ATR: variants seen among roughly 807,000 people sequenced by gnomAD.
ATR encodes ATR checkpoint kinase.
In ATR, 142 loss-of-function variants were observed where a neutral mutation model predicts 305.3. The observed-to-expected ratio is 0.47, with a 90% CI of 0.41 to 0.53. ATR has a LOEUF of 0.53. Among genes scored for constraint, ATR ranks in the 20% least tolerant of loss-of-function variants. ATR has a pLI of 0.00. For synonymous variants in ATR, 1,050 were observed against 1,068.1 expected (o/e 0.98, Z 0.33); for missense variants, 2,135 against 3,133.1 (o/e 0.68, Z 7.60).
At chr3:142,509,388 T>G (rs895327564) in intron 27 of ATR, among the ~76,000 whole-genome samples, 15 of 152,072 alleles carry the variant, frequency 9.9e-5, no homozygotes, top group African/African-American at 3.6e-4. Flanking sequence ...GATCTTGAAC[T>G]CCTGAGCTCA....
chr3:142,470,954 C>G (rs1160104004), intron 36 of ATR, among the ~76,000 whole-genome samples: 2 of 152,074 alleles, frequency 1.3e-5, no homozygotes, highest in South Asian at 2.1e-4. Flanking sequence ...TAAAATTTGC[C>G]ATCACAACCA....
chr3:142,496,605 C>G (rs2108334304), intron 33 of ATR, 85 bp from the exon 34 acceptor site: 2 of 1,455,362 alleles, frequency 1.4e-6, no homozygotes, highest in East Asian at 2.3e-5. Flanking sequence ...AAATCTAGGT[C>G]ATAAACTTTG....
intron 16 of ATR, among the ~76,000 whole-genome samples, chr3:142,543,077 A>G (rs1351453474): frequency 6.6e-6 from 1 of 152,088 alleles, no homozygotes; most frequent in African/African-American, 2.4e-5. Context: ...TCATGTCGGG[A>G]TGTGGGGTGG....
At chr3:142,493,337 C>T (rs2108326316) in intron 34 of ATR, 26 bp from the exon 35 acceptor site, 1 of 1,584,424 alleles carries the variant, frequency 6.3e-7, no homozygotes, top group Non-Finnish European at 8.6e-7. Flanking sequence ...CAACAATAAG[C>T]CTTTTAATTT....
chr3:142,449,659 T>A, intron 46 of ATR, 57 bp from the exon 47 acceptor site: 12 of 1,528,824 alleles, frequency 7.8e-6, no homozygotes, highest in Non-Finnish European at 1.1e-5. Flanking sequence ...AATTACTACC[T>A]TTCTTTATAT....
rs1577675053 is a variant in ATR at position 142,547,889 on chromosome 3, C to T, written c.3193G>A (p.Gly1065Arg). Residue 1065 changes from glycine to arginine, a missense_variant, in exon 16 of 47, where the codon GGG becomes AGG. Transcript: ENST00000350721. Reference sequence around the variant, plus strand: ...TGGAAATCTTGTCTCAACAGGCTCCCCAGTTCAATTTCTGTTTCATTCTAA... The same window carrying T: ...TGGAAATCTTGTCTCAACAGGCTCCTCAGTTCAATTTCTGTTTCATTCTAA... ...YLKNETEIEL[G>R]SLLRQDFQGL... is the part of the protein sequence containing the mutation. 1 of 1,613,820 alleles carries T rather than the reference C, an allele frequency of 6.2e-7. No individual in the cohort carries two copies. The highest frequency in any genetic ancestry group is 1.7e-5 in the Admixed American group (1 of 59,984).
At chr3:142,512,521 C>G (rs2108373033) in intron 26 of ATR, 51 bp from the exon 27 acceptor site, 1 of 1,386,814 alleles carries the variant, frequency 7.2e-7, no homozygotes, top group South Asian at 1.4e-5. Context: ...TACCATTTAA[C>G]TATTATATGA....
chr3:142,550,040 A>G, intron 14 of ATR, 92 bp downstream of exon 14: 1 of 1,497,034 alleles, frequency 6.7e-7, no homozygotes, highest in Non-Finnish European at 9.2e-7. Context: ...TTTACAGCAT[A>G]AGCAATAATC....
intron 46 of ATR, chr3:142,452,022 A>G: frequency 2.9e-6 from 3 of 1,027,472 alleles, no homozygotes; most frequent in Non-Finnish European, 2.3e-6. Context: ...TTTTTCCACA[A>G]TTCTGGAAAT....
Position 142,457,601 on chromosome 3 carries a change from T to C in ATR, c.7655+3A>G. On this transcript the variant is annotated splice_donor_region_variant and intron_variant, in intron 45 of 46. Transcript: ENST00000350721. Reference sequence around the variant, plus strand: ...AAATTATTTACAAAGTATAGGTGATTACCTCATTAAAGGCTCTCGCTGATC... The same window carrying C: ...AAATTATTTACAAAGTATAGGTGATCACCTCATTAAAGGCTCTCGCTGATC... The C allele has an allele frequency of 1.2e-6, 2 of 1,613,934 alleles. No homozygotes were observed. The highest frequency in any genetic ancestry group is 1.7e-6 in the Non-Finnish European group (2 of 1,179,912).
chr3:142,553,122 A>T (rs953649375), intron 13 of ATR, 105 bp downstream of exon 13: 47 of 1,411,348 alleles, frequency 3.3e-5, no homozygotes, highest in Non-Finnish European at 4.9e-6. Context: ...AAATTGAAGA[A>T]AAAAGAAAAG....
At chr3:142,513,457 T>C in intron 26 of ATR, 44 bp downstream of exon 26, 1 of 1,601,130 alleles carries the variant, frequency 6.2e-7, no homozygotes, top group East Asian at 2.2e-5. Context: ...TTGGAGAAAG[T>C]AAGTTTCACA....
intron 46 of ATR, chr3:142,450,726 G>A: frequency 6.4e-7 from 1 of 1,560,274 alleles, no homozygotes; most frequent in Non-Finnish European, 8.7e-7. Flanking sequence ...AAGAACTACG[G>A]GGAATGAAGG....
chr3:142,572,246 T>C (rs1432724034), intron 1 of ATR, among the ~76,000 whole-genome samples: 1 of 151,782 alleles, frequency 6.6e-6, no homozygotes, highest in Non-Finnish European at 1.5e-5. Flanking sequence ...ATTTTTTGTA[T>C]TTTTAGTAGA....
intron 24 of ATR, among the ~76,000 whole-genome samples, chr3:142,517,441 C>T (rs1489020916): frequency 1.3e-5 from 2 of 151,672 alleles, no homozygotes; most frequent in Admixed American, 6.6e-5. Flanking sequence ...TCCCTAGGTC[C>T]TCTGGAGTAA....
Position 142,455,597 on chromosome 3 carries a change from G to GAC in ATR, c.7655+2005_7655+2006dup, listed in dbSNP as rs60605868. ...AACAGAATATTGCTGAAAATCAATT[G>GAC]ACCATTTCAACAAAAAAGCCAAGAT... On this transcript the variant is annotated intron_variant, in intron 45 of 46. Coordinates refer to ENST00000350721, the MANE Select transcript of ATR (RefSeq NM_001184.4). Among the ~76,000 whole-genome samples the GAC allele has an allele frequency of 8.8e-3, 1,346 of 152,238 alleles. 20 individuals carry two copies. The highest frequency in any genetic ancestry group is 0.031 in the African/African-American group (1,273 of 41,532).
intron 26 of ATR, 110 bp downstream of exon 26, chr3:142,513,391 G>T: frequency 7.9e-7 from 1 of 1,259,928 alleles, no homozygotes; most frequent in South Asian, 1.2e-5. Flanking sequence ...AACATACATA[G>T]CCATACATAG....
At chr3:142,462,146 GTTATATCAAA>G (rs1320677398) in intron 41 of ATR, 56 bp from the exon 42 acceptor site, 3 of 1,489,028 alleles carry the variant, frequency 2.0e-6, no homozygotes, top group Non-Finnish European at 2.8e-6. Flanking sequence ...ATTTCTAAAT[GTTATATCAAA>G]TATATTTAAA....
rs552927618 is a variant in ATR, at chr3:142,563,048, C to T, written c.354G>A (p.Leu118=). The T allele has an allele frequency of 1.6e-5, 25 of 1,599,928 alleles. 1 individual carries two copies. The South Asian group carries it at 2.5e-4, about 16-fold the overall frequency. The change falls in exon 4 of 47, where the codon TTG becomes TTA. Residue 118 remains leucine (L), a synonymous_variant. Transcript: ENST00000350721. ...TGACTTCACAGATTTTCTTGTGTAA[C>T]AAATGACAGGAGGGAGTTGCTGCAA... The part of the protein sequence containing the change: ...LRIAATPSCH[L]LHKKICEVIC...
Sources: allele counts gnomAD v4.1 joint callset (sites outside exome capture counted in the v4.1 genomes callset), GRCh38; gene constraint gnomAD v4.1.1; transcripts MANE v1.5; gene names NCBI Gene and HGNC (gene_info 2026-07-23, HGNC 2026-07-21).